Variants in NUP160 observed in about 807,000 individuals in gnomAD.
NUP160 encodes nucleoporin 160, also known as nuclear pore complex protein Nup160.
In NUP160, 94 loss-of-function variants were observed where a neutral mutation model predicts 196.9. The ratio of observed to expected loss-of-function variants is 0.48; its 90% CI spans 0.40 to 0.57. The LOEUF (loss-of-function observed/expected upper bound fraction) is 0.57. NUP160 is among the 20% of genes least tolerant of loss of function. NUP160 has a pLI of 0.00. For missense variants in NUP160, 1,638 were observed against 1,748.3 expected, an observed-to-expected ratio of 0.94 and a Z score of 1.13; for synonymous variants, 605 against 619.7, an observed-to-expected ratio of 0.98 and a Z score of 0.35.
intron 28 of NUP160, chr11:47,792,291 G>A (rs1185186342): frequency 6.5e-6 from 2 of 307,430 alleles, no homozygotes; most frequent in African/African-American, 4.4e-5. Flanking sequence ...GCATGTATCT[G>A]ACCCATCAGT....
chr11:47,815,523 G>C (rs544109538), exon 13 of NUP160: 2 of 1,610,734 alleles, frequency 1.2e-6, no homozygotes, highest in African/African-American at 2.7e-5. Flanking sequence ...TTCAAATGTA[G>C]GGCAAGAGGG....
At position 47,840,327 on chromosome 11, in the gene NUP160, G is replaced by A. The variant is rs73456968; in HGVS notation, c.525+51C>T. On this transcript the variant is annotated intron_variant, in intron 3 of 35. Coordinates refer to ENST00000378460, the Ensembl canonical transcript of NUP160. The stretch of plus-strand genomic sequence containing the variant: ...GACATCGCTCCAGCACTACATTTGT[G>A]ACACCCAGAGTAATTTGGGAAATAA... The A allele has an allele frequency of 2.7e-3, 3,980 of 1,468,796 alleles. 106 individuals are homozygous for A. In the African/African-American group the frequency reaches 0.049, roughly 18 times the overall value. 91.0% of individuals were successfully genotyped at this position (1,468,796 alleles called of 1,614,324 possible). A position where few individuals can be genotyped will look rare whatever the true frequency, so the allele number is the denominator to read the frequency against.
At chr11:47,789,492 A>T (rs1446635494) in intron 29 of NUP160, among the ~76,000 whole-genome samples, 1 of 152,174 alleles carries the variant, frequency 6.6e-6, no homozygotes, top group African/African-American at 2.4e-5. Context: ...AAAGCTTGGA[A>T]CTAAGCTGAT....
At chr11:47,823,966 T>C (rs1851911926) in intron 7 of NUP160, among the ~76,000 whole-genome samples, 1 of 145,042 alleles carries the variant, frequency 6.9e-6, no homozygotes, top group Non-Finnish European at 1.5e-5. Flanking sequence ...ATGTATATGG[T>C]TGTACAAATA....
At chr11:47,787,248 T>C (rs1255637299) in intron 31 of NUP160, among the ~76,000 whole-genome samples, 2 of 151,758 alleles carry the variant, frequency 1.3e-5, no homozygotes, top group Non-Finnish European at 2.9e-5. Context: ...CCACCTCTCC[T>C]GGCTAACTTT....
chr11:47,844,017 T>C (rs1852354770), intron 2 of NUP160, among the ~76,000 whole-genome samples: 1 of 152,234 alleles, frequency 6.6e-6, no homozygotes, highest in Admixed American at 6.5e-5. Flanking sequence ...TCGCAATTAA[T>C]GACATCTCCC....
intron 2 of NUP160, chr11:47,841,299 G>A: frequency 3.4e-6 from 1 of 297,730 alleles, no homozygotes. Flanking sequence ...TGCTGCACAG[G>A]GTTTTTAGAA....
At chr11:47,838,358 G>T (rs577914601) in intron 4 of NUP160, among the ~76,000 whole-genome samples, 3 of 152,182 alleles carry the variant, frequency 2.0e-5, no homozygotes, top group African/African-American at 7.2e-5. Context: ...GTCACTCTAG[G>T]CCAGTGTAAG....
exon 7 of NUP160, chr11:47,835,697 A>G (rs777406373): frequency 6.2e-7 from 1 of 1,605,076 alleles, no homozygotes. Flanking sequence ...GTAGAGTCCC[A>G]TGGTGGGGGA....
At chr11:47,820,505 A>T (rs1851835536) in intron 9 of NUP160, among the ~76,000 whole-genome samples, 1 of 152,066 alleles carries the variant, frequency 6.6e-6, no homozygotes, top group South Asian at 2.1e-4. Flanking sequence ...TCAGTCTAAT[A>T]GGGTGCATCG....
chr11:47,803,375 A>T, intron 22 of NUP160, 63 bp downstream of exon 22: 1 of 981,864 alleles, frequency 1.0e-6, no homozygotes, highest in Non-Finnish European at 1.6e-6. Context: ...AGTCAAATGG[A>T]AGCTAAGCAA....
intron 2 of NUP160, among the ~76,000 whole-genome samples, chr11:47,843,728 A>G (rs539550719): frequency 7.2e-4 from 109 of 152,328 alleles, no homozygotes; most frequent in African/African-American, 2.2e-3. Context: ...CACAATGAAG[A>G]CTTAGCTGAC....
intron 2 of NUP160, among the ~76,000 whole-genome samples, chr11:47,841,017 T>TACACAC (rs59211788): frequency 0.089 from 13,406 of 151,326 alleles, 844 homozygotes; most frequent in South Asian, 0.11. Flanking sequence ...CGCACACATA[T>TACACAC]ACACACACAC....
intron 33 of NUP160, chr11:47,784,721 A>G (rs1360780178): frequency 2.9e-6 from 1 of 349,694 alleles, no homozygotes; most frequent in Non-Finnish European, 5.1e-6. Flanking sequence ...TTTTAAATTT[A>G]AATAGAGATG....
At chr11:47,817,977 T>C (rs1479842007) in intron 11 of NUP160, 79 bp downstream of exon 11, 17 of 771,276 alleles carry the variant, frequency 2.2e-5, no homozygotes, top group Non-Finnish European at 3.5e-5. Flanking sequence ...GTTTAATATA[T>C]GCAAAAACTT....
chr11:47,833,461 A>G (rs375102125), intron 7 of NUP160, among the ~76,000 whole-genome samples: 1 of 33,830 alleles, frequency 3.0e-5, no homozygotes, highest in Non-Finnish European at 1.3e-4. Context: ...CCATCACAAA[A>G]GAAAAAAAAA....
intron 10 of NUP160, among the ~76,000 whole-genome samples, 178 bp from the exon 11 acceptor site, chr11:47,818,302 T>C (rs1851779047): frequency 6.6e-6 from 1 of 152,238 alleles, no homozygotes; most frequent in African/African-American, 2.4e-5. Flanking sequence ...TGCAATGTCT[T>C]TGAGTCAACT....
intron 9 of NUP160, among the ~76,000 whole-genome samples, chr11:47,819,826 A>G (rs1026258784): frequency 6.6e-6 from 1 of 152,206 alleles, no homozygotes; most frequent in Non-Finnish European, 1.5e-5. Context: ...AGTTTTAGAC[A>G]TTATTCATGT....
chr11:47,842,139 A>G (rs1248630882), intron 2 of NUP160, among the ~76,000 whole-genome samples: 4 of 151,864 alleles, frequency 2.6e-5, no homozygotes, highest in Non-Finnish European at 5.9e-5. Context: ...GAATCCTATG[A>G]TACTACCCTC....
Sources: allele counts gnomAD v4.1 joint callset (sites outside exome capture counted in the v4.1 genomes callset), GRCh38; gene constraint gnomAD v4.1.1; transcripts MANE v1.5; gene names NCBI Gene and HGNC (gene_info 2026-07-23, HGNC 2026-07-21).